The following NPC1 variants were observed in gnomAD, a reference collection of about 807,000 sequenced individuals.
NPC1 encodes NPC intracellular cholesterol transporter 1.
Under a neutral mutation model 140.4 loss-of-function variants are expected in NPC1, and 85 were observed. That is an observed-to-expected ratio of 0.61 (90% CI 0.51 to 0.72). NPC1 has a LOEUF of 0.72. NPC1 is among the 30% of genes least tolerant of loss of function. NPC1 has a pLI of 0.00. For synonymous variants in NPC1, 656 were observed against 624.8 expected (o/e 1.05, Z -0.74); for missense variants, 1,504 against 1,623.8 (o/e 0.93, Z 1.27).
chr18:23,545,234 AG>A lies in NPC1; in HGVS notation c.1758-86del, dbSNP rs1438243174. 5 of 1,020,612 alleles carry A rather than the reference AG, an allele frequency of 4.9e-6. No homozygotes were observed. The African/African-American group carries it at 8.0e-5, about 16-fold the overall frequency. The allele number at this position is 1,020,612 out of a possible 1,614,324, so 63.2% of individuals were successfully genotyped here. ...CTTCTCCCTAACTTTCACGATACAA[AG>A]GCCACGTTTTCTTTTTTTTGGTTTT... is the stretch of plus-strand genomic sequence containing the variant. On this transcript the variant is annotated intron_variant, in intron 11 of 24. Transcript: ENST00000269228.
At chr18:23,544,668 G>C in intron 12 of NPC1, 142 bp from the exon 13 acceptor site, 1 of 845,028 alleles carries the variant, frequency 1.2e-6, no homozygotes, top group Non-Finnish European at 2.0e-6. Flanking sequence ...GAGAGGACTT[G>C]TAAACATTTC....
chr18:23,530,351 T>C, downstream of NPC1: 2 of 1,613,994 alleles, frequency 1.2e-6, no homozygotes, highest in South Asian at 2.2e-5. Context: ...GTTCCTGTTG[T>C]TTGCACTGAC....
chr18:23,531,278 C>T (rs199805821), downstream of NPC1, among the ~76,000 whole-genome samples: 6 of 152,170 alleles, frequency 3.9e-5, no homozygotes, highest in East Asian at 5.8e-4. Flanking sequence ...TTTGAGCCAC[C>T]GCACCTGGCC....
intron 18 of NPC1, 142 bp from the exon 19 acceptor site, chr18:23,539,612 A>G (rs751369912): frequency 8.8e-6 from 7 of 794,316 alleles, no homozygotes; most frequent in African/African-American, 1.7e-5. Flanking sequence ...CACTTAATGA[A>G]AAAAGCCTTC....
downstream of NPC1, chr18:23,527,729 C>T (rs551044428): frequency 8.1e-6 from 10 of 1,239,746 alleles, 1 homozygote; most frequent in South Asian, 4.8e-5. Flanking sequence ...ATCATAGCAA[C>T]GTGTGGAAAT....
At chr18:23,531,428 C>T, downstream of NPC1, 1 of 1,148,736 alleles carries the variant, frequency 8.7e-7, no homozygotes, top group Non-Finnish European at 1.2e-6. Flanking sequence ...ACCATAAGGA[C>T]AGGTTAGATA....
downstream of NPC1, among the ~76,000 whole-genome samples, chr18:23,527,294 G>A (rs891480748): frequency 1.3e-5 from 2 of 150,298 alleles, no homozygotes; most frequent in Admixed American, 6.7e-5. Flanking sequence ...AGCTACTCCA[G>A]AGGCTGCCGA....
At chr18:23,514,238 G>A (rs1473228779) in intron 3 of NPC1, among the ~76,000 whole-genome samples, 1 of 152,220 alleles carries the variant, frequency 6.6e-6, no homozygotes, top group Non-Finnish European at 1.5e-5. Flanking sequence ...ATGACTGGCT[G>A]GGCACGGTGG....
At chr18:23,520,102 A>G (rs756730361), downstream of NPC1, 29 of 862,118 alleles carry the variant, frequency 3.4e-5, no homozygotes, top group African/African-American at 5.0e-5. Flanking sequence ...ATGCAAACAC[A>G]GGCTTTTAAA....
intron 23 of NPC1, 53 bp from the exon 24 acceptor site, chr18:23,533,570 C>G: frequency 1.3e-6 from 2 of 1,521,826 alleles, no homozygotes; most frequent in African/African-American, 1.4e-5. Context: ...TGTAATTGAA[C>G]AAAAACACTT....
chr18:23,530,721 A>C (rs145934010), downstream of NPC1: 1 of 1,022,976 alleles, frequency 9.8e-7, no homozygotes, highest in African/African-American at 1.6e-5. Context: ...TAAACAACAC[A>C]ATTTGATAAC....
In NPC1 at chr18:23,531,754, G is replaced by T; in HGVS notation, c.*448C>A. Reference sequence around the variant, plus strand: ...AAAATGTGTACAAAGTTAATTTATTGCATTAATAAAGCTCTTTAAACTATA... The same window carrying T: ...AAAATGTGTACAAAGTTAATTTATTTCATTAATAAAGCTCTTTAAACTATA... On this transcript the variant is annotated 3_prime_UTR_variant, in exon 25 of 25. Transcript: ENST00000269228. 1 of 1,585,098 alleles carries T rather than the reference G, an allele frequency of 6.3e-7. No individual in the cohort carries two copies. Among genetic ancestry groups the T allele is most frequent in the Non-Finnish European group, 8.5e-7 (1 of 1,170,652 alleles).
downstream of NPC1, among the ~76,000 whole-genome samples, chr18:23,524,939 A>ATT (rs1184600894): frequency 9.2e-6 from 1 of 108,680 alleles, no homozygotes; most frequent in African/African-American, 3.6e-5. Context: ...TATTAGAGAA[A>ATT]TCTTTTTTTT....
In NPC1 at chr18:23,557,206, G is replaced by C. The variant is rs1347728030; in HGVS notation, c.882-16C>G. On this transcript the variant is annotated splice_polypyrimidine_tract_variant and intron_variant, in intron 6 of 24. Transcript: ENST00000269228. ...ATACCGTTTTCTGAAAAACAGAAGT[G>C]AAGAAATAGCATTAGTGGACTTCAT... The C allele has an allele frequency of 6.3e-7, 1 of 1,596,186 alleles. No homozygotes were observed.
At chr18:23,561,934 C>T (rs2059046489) in intron 4 of NPC1, among the ~76,000 whole-genome samples, 1 of 152,138 alleles carries the variant, frequency 6.6e-6, no homozygotes, top group Admixed American at 6.5e-5. Context: ...AGCTACACAG[C>T]CAGAGAATTA....
chr18:23,514,291 G>A (rs1019081406), intron 3 of NPC1, among the ~76,000 whole-genome samples: 5 of 152,190 alleles, frequency 3.3e-5, no homozygotes, highest in African/African-American at 9.6e-5. Context: ...CGAGGTGGGC[G>A]ATCATCTGAG....
At chr18:23,563,834 G>A (rs1300167606) in intron 4 of NPC1, among the ~76,000 whole-genome samples, 3 of 151,988 alleles carry the variant, frequency 2.0e-5, no homozygotes, top group Non-Finnish European at 4.4e-5. Flanking sequence ...ATCTCATTGT[G>A]GTTTTGATTT....
At chr18:23,509,134 A>T in intron 3 of NPC1, 1 of 571,626 alleles carries the variant, frequency 1.7e-6, no homozygotes, top group Non-Finnish European at 2.7e-6. Context: ...AAGCTTTTGA[A>T]GAGAGTTATA....
downstream of NPC1, chr18:23,529,169 T>C (rs1308245630): frequency 1.9e-6 from 3 of 1,606,820 alleles, no homozygotes; most frequent in Admixed American, 1.7e-5. Flanking sequence ...TTGTGGTTTT[T>C]TTCTTTCAGG....
Sources: allele counts gnomAD v4.1 joint callset (sites outside exome capture counted in the v4.1 genomes callset), GRCh38; gene constraint gnomAD v4.1.1; transcripts MANE v1.5; gene names NCBI Gene and HGNC (gene_info 2026-07-23, HGNC 2026-07-21).